The following MROH9 variants were observed in gnomAD, a reference collection of about 807,000 sequenced individuals.
The protein encoded by MROH9 is maestro heat like repeat family member 9.
A neutral mutation model predicts 98.2 loss-of-function variants in MROH9; 92 were observed. That is an observed-to-expected ratio of 0.94 (90% CI 0.79 to 1.11). The LOEUF is 1.11. MROH9 is among the 50% of genes most tolerant of loss of function. MROH9 has a pLI of 0.00. For synonymous variants in MROH9, 397 were observed against 368.9 expected, an observed-to-expected ratio of 1.08 and a Z score of -0.87; for missense variants, 1,057 against 1,014.8, an observed-to-expected ratio of 1.04 and a Z score of -0.57.
intron 20 of MROH9, among the ~76,000 whole-genome samples, chr1:171,036,984 G>T (rs1653121097): frequency 6.6e-6 from 1 of 151,636 alleles, no homozygotes; most frequent in African/African-American, 2.4e-5. Flanking sequence ...CTAGAAGGAG[G>T]GGGAGGAAAA....
chr1:170,935,940 C>T (rs752579698), intron 1 of MROH9, among the ~76,000 whole-genome samples: 4 of 127,290 alleles, frequency 3.1e-5, no homozygotes, highest in South Asian at 2.4e-4. Flanking sequence ...TGCAGTGAGC[C>T]GAGATCATGC....
chr1:171,026,297 CAG>C (rs896891619), intron 20 of MROH9, among the ~76,000 whole-genome samples: 3 of 148,198 alleles, frequency 2.0e-5, no homozygotes, highest in Admixed American at 2.0e-4. Flanking sequence ...TTTTTTAAGA[CAG>C]AATCTTGCTC....
intron 17 of MROH9, among the ~76,000 whole-genome samples, chr1:171,017,541 G>A (rs1652367518): frequency 6.6e-6 from 1 of 152,206 alleles, no homozygotes; most frequent in Admixed American, 6.5e-5. Context: ...TCCTGGGGGA[G>A]GGGTGACTGG....
chr1:170,982,218 T>TA (rs1447703331), intron 8 of MROH9, among the ~76,000 whole-genome samples: 1 of 151,994 alleles, frequency 6.6e-6, no homozygotes, highest in East Asian at 1.9e-4. Flanking sequence ...AGCAAATAGA[T>TA]AAAGAGATTT....
At chr1:170,962,610 A>G (rs528465545) in intron 6 of MROH9, among the ~76,000 whole-genome samples, 4 of 152,306 alleles carry the variant, frequency 2.6e-5, no homozygotes, top group East Asian at 1.9e-4. Context: ...AGGAGCATCT[A>G]TGAGCTGTAT....
intron 20 of MROH9, among the ~76,000 whole-genome samples, chr1:171,050,946 G>A (rs1159460214): frequency 6.6e-6 from 1 of 152,056 alleles, no homozygotes; most frequent in African/African-American, 2.4e-5. Context: ...TGTTTATGTG[G>A]TGAATCACAT....
At chr1:171,057,345 C>A (rs563996101) in intron 20 of MROH9, among the ~76,000 whole-genome samples, 1 of 152,156 alleles carries the variant, frequency 6.6e-6, no homozygotes, top group East Asian at 1.9e-4. Flanking sequence ...ACTGAATCAA[C>A]CAAGTGGAAG....
At chr1:170,937,913 C>CCTG (rs960530486) in intron 1 of MROH9, among the ~76,000 whole-genome samples, 5 of 152,148 alleles carry the variant, frequency 3.3e-5, no homozygotes, top group Non-Finnish European at 7.3e-5. Context: ...TGGTTCTTTA[C>CCTG]CTGCTAAAGT....
chr1:171,031,213 A>C (rs1652899014), intron 20 of MROH9, among the ~76,000 whole-genome samples: 1 of 152,232 alleles, frequency 6.6e-6, no homozygotes, highest in Non-Finnish European at 1.5e-5. Context: ...AATACAGCAC[A>C]CCAATGGATC....
chr1:171,037,757 A>G (rs564019376), intron 20 of MROH9, among the ~76,000 whole-genome samples: 1 of 152,184 alleles, frequency 6.6e-6, no homozygotes, highest in Non-Finnish European at 1.5e-5. Flanking sequence ...AATAGGACAT[A>G]ATACCATCCA....
intron 20 of MROH9, among the ~76,000 whole-genome samples, chr1:171,043,664 T>A (rs1186560692): frequency 6.6e-6 from 1 of 152,042 alleles, no homozygotes; most frequent in Non-Finnish European, 1.5e-5. Flanking sequence ...CTTTCATCAG[T>A]GTTTTATAAT....
At chr1:171,063,957 A>G (rs1654088682) in intron 21 of MROH9, 142 bp from the exon 22 acceptor site, 1 of 817,650 alleles carries the variant, frequency 1.2e-6, no homozygotes, top group African/African-American at 1.7e-5. Flanking sequence ...TATCAGCCAA[A>G]GTTACAAAAT....
chr1:171,047,978 T>C (rs1464985293), intron 20 of MROH9, among the ~76,000 whole-genome samples: 1 of 152,214 alleles, frequency 6.6e-6, no homozygotes, highest in Non-Finnish European at 1.5e-5. Context: ...GACTCTTGTT[T>C]CTTCCCTTAC....
rs1651464108 is a variant in MROH9 at position 170,994,066 on chromosome 1, G to A, written c.1195-1323G>A. On this transcript the variant is annotated intron_variant, in intron 12 of 21. Transcript: ENST00000367759. ...TGCATTGTCACTGTATTGACTTTGT[G>A]TGTAAGCATTGCGCTTATACATAAA... 2.0e-5 allele frequency among the ~76,000 whole-genome samples: 3 copies of A among 152,156 alleles called. No homozygotes were observed. In the South Asian group the frequency reaches 6.2e-4, roughly 32 times the overall value.
At chr1:170,948,107 A>C (rs1362160341) in intron 3 of MROH9, among the ~76,000 whole-genome samples, 1 of 151,984 alleles carries the variant, frequency 6.6e-6, no homozygotes, top group Non-Finnish European at 1.5e-5. Context: ...TGTTCTCTGC[A>C]GTGTGTAGCA....
At chr1:170,959,231 C>T (rs1278035683) in intron 4 of MROH9, among the ~76,000 whole-genome samples, 1 of 151,976 alleles carries the variant, frequency 6.6e-6, no homozygotes, top group Admixed American at 6.6e-5. Context: ...AAAAATTAGC[C>T]AGGCGTGGTG....
chr1:170,972,420 T>C (rs1650495371), intron 8 of MROH9, among the ~76,000 whole-genome samples: 2 of 152,218 alleles, frequency 1.3e-5, no homozygotes, highest in African/African-American at 4.8e-5. Flanking sequence ...GTGGAGCCTC[T>C]GTCTATGGAG....
chr1:170,993,629 T>C (rs1259226138), intron 12 of MROH9, among the ~76,000 whole-genome samples: 1 of 152,118 alleles, frequency 6.6e-6, no homozygotes, highest in Admixed American at 6.6e-5. Context: ...AGTTAGTGTA[T>C]GTCAAACCAT....
intron 15 of MROH9, among the ~76,000 whole-genome samples, chr1:171,012,494 CTG>C (rs1652184569): frequency 6.8e-6 from 1 of 147,186 alleles, no homozygotes; most frequent in African/African-American, 2.6e-5. Context: ...TTTTATAAAA[CTG>C]TCATTTTTTT....
Sources: gnomAD v4.1 joint callset for allele counts (sites outside exome capture counted in the v4.1 genomes callset) on GRCh38, gnomAD v4.1.1 for gene constraint, MANE v1.5 for transcripts, NCBI Gene and HGNC (gene_info 2026-07-23, HGNC 2026-07-21) for gene names.